CCNA2: variants seen among roughly 807,000 people sequenced by gnomAD.
CCNA2 encodes cyclin-A2.
Under a neutral mutation model 49.4 loss-of-function variants are expected in CCNA2, and 3 were observed. The observed-to-expected ratio is 0.06, with a 90% CI of 0.03 to 0.16. CCNA2 has a LOEUF of 0.16. CCNA2 is among the 10% of genes least tolerant of loss of function. CCNA2 has a pLI of 1.00. For synonymous variants in CCNA2, 206 were observed against 197.2 expected (o/e 1.04, Z -0.37); for missense variants, 372 against 519.7 (o/e 0.72, Z 2.76).
chr4:121,820,502 A>T lies in CCNA2; in HGVS notation c.794+40T>A. On this transcript the variant is annotated intron_variant, in intron 4 of 7. Transcript: ENST00000274026. The surrounding 1 kb of genome is among the most constrained non-coding windows in gnomAD (Gnocchi z 4.1). ...AAAAATCAATTTCTTCCCTAGACAA[A>T]AGGTCGTGATCACTTTTAAACAAAC... is the stretch of plus-strand genomic sequence containing the variant. 1 of 1,425,142 alleles carries T rather than the reference A, an allele frequency of 7.0e-7. No individual in the cohort carries two copies. Among genetic ancestry groups the T allele is most frequent in the Non-Finnish European group, 9.7e-7 (1 of 1,028,282 alleles). 88.3% of individuals were successfully genotyped at this position (1,425,142 alleles called of 1,614,324 possible).
Position 121,820,497 on chromosome 4 carries a change from G to T in CCNA2, c.794+45C>A. 1.4e-6 allele frequency: 2 copies of T among 1,395,822 alleles called. No individual in the cohort carries two copies. The highest frequency in any genetic ancestry group is 2.0e-6 in the Non-Finnish European group (2 of 1,003,690). 86.5% of individuals were successfully genotyped at this position (1,395,822 alleles called of 1,614,324 possible). On this transcript the variant is annotated intron_variant, in intron 4 of 7. Coordinates refer to ENST00000274026, the MANE Select transcript of CCNA2 (RefSeq NM_001237.5). The surrounding 1 kb of genome is among the most constrained non-coding windows in gnomAD (Gnocchi z 4.1). ...ATTAAAAAAATCAATTTCTTCCCTAGACAAAAGGTCGTGATCACTTTTAAA... is the reference window on the plus strand; with the variant it reads ...ATTAAAAAAATCAATTTCTTCCCTATACAAAAGGTCGTGATCACTTTTAAA...
In CCNA2 at chr4:121,819,566, T is replaced by G. The variant is rs1430008434; in HGVS notation, c.808A>C (p.Ile270Leu). 1.2e-6 allele frequency: 2 copies of G among 1,612,610 alleles called. No homozygotes were observed. Among genetic ancestry groups the G allele is most frequent in the East Asian group, 2.2e-5 (1 of 44,866 alleles). ...AACTCTGCTACTTCTGGGGGGTATA[T>G]TTCTTCAAACTTTCTACAATGAAAA... ...AMLLASKFEE[I>L]YPPEVAEFVY... The change falls in exon 5 of 8, where the codon ATA becomes CTA. Residue 270 changes from isoleucine to leucine, a missense_variant. Physicochemically the swap from Ile to Leu is conservative, Grantham distance 5. Transcript: ENST00000274026.
In CCNA2 at chr4:121,816,878, A is replaced by AT. The variant is rs1488785635; in HGVS notation, c.*759dup. ...TTAAAGCTAACAGTTGTATATCTGT[A>AT]TATATAACTATTAAAAGGGATATTT... On this transcript the variant is annotated 3_prime_UTR_variant, in exon 8 of 8. Transcript: ENST00000274026. The AT allele has an allele frequency of 3.3e-6, 5 of 1,517,654 alleles. No individual in the cohort carries two copies. Among genetic ancestry groups the AT allele is most frequent in the Non-Finnish European group, 4.4e-6 (5 of 1,127,694 alleles). The allele number at this position is 1,517,654 out of a possible 1,614,324, so 94.0% of individuals were successfully genotyped here. A position where few individuals can be genotyped will look rare whatever the true frequency, so the allele number is the denominator to read the frequency against.
intron 6 of CCNA2, 45 bp from the exon 7 acceptor site, chr4:121,818,222 A>G (rs1409319451): frequency 6.5e-7 from 1 of 1,529,992 alleles, no homozygotes; most frequent in Non-Finnish European, 8.9e-7. Context: ...GCTTTTAGTA[A>G]CACACCAAAC....
intron 5 of CCNA2, 81 bp from the exon 6 acceptor site, chr4:121,818,994 C>A: frequency 1.1e-6 from 1 of 884,306 alleles, no homozygotes; most frequent in Non-Finnish European, 1.9e-6. Flanking sequence ...TAATTTTTTC[C>A]TGCCTTTGAT....
chr4:121,822,696 T>C (rs766625234), intron 1 of CCNA2, 50 bp from the exon 2 acceptor site: 2 of 1,585,002 alleles, frequency 1.3e-6, no homozygotes, highest in Non-Finnish European at 1.7e-6. Flanking sequence ...TTGCATTCTT[T>C]CTCTTATGGG....
chr4:121,821,845 A>T lies in CCNA2; in HGVS notation c.457+558T>A, dbSNP rs1487806447. Among the ~76,000 whole-genome samples, 4 of 152,328 alleles carry T rather than the reference A, an allele frequency of 2.6e-5. 1 individual carries two copies. The East Asian group carries it at 7.7e-4, about 29-fold the overall frequency. On this transcript the variant is annotated intron_variant, in intron 2 of 7. Coordinates refer to ENST00000274026, the MANE Select transcript of CCNA2 (RefSeq NM_001237.5). The stretch of plus-strand genomic sequence containing the variant: ...GTGACTCAATATCCCTAGGGCAAAG[A>T]AATAGTACAAACTGCAAAGAGCTGT...
chr4:121,817,548 A>G lies in CCNA2; in HGVS notation c.*90T>C. The G allele has an allele frequency of 6.6e-7, 1 of 1,507,116 alleles. No individual in the cohort carries two copies. Among genetic ancestry groups the G allele is most frequent in the Non-Finnish European group, 9.1e-7 (1 of 1,100,388 alleles). The allele number at this position is 1,507,116 out of a possible 1,614,324, so 93.4% of individuals were successfully genotyped here. On this transcript the variant is annotated 3_prime_UTR_variant, in exon 8 of 8. Coordinates refer to ENST00000274026, the MANE Select transcript of CCNA2 (RefSeq NM_001237.5). ...TTGGCCACAACTTCTGTATTCAGAA[A>G]TGATTGTAAAATTAAAACCTAAGTT...
In CCNA2 at chr4:121,816,926, T is replaced by C; in HGVS notation, c.*712A>G. On this transcript the variant is annotated 3_prime_UTR_variant, in exon 8 of 8. Transcript: ENST00000274026. The stretch of plus-strand genomic sequence containing the variant: ...TTTATTCCATTCTGAGAACCCTGGG[T>C]ATTTTTTATTCACAAATCCATTATA... 1.5e-6 allele frequency: 2 copies of C among 1,328,570 alleles called. No homozygotes were observed. The highest frequency in any genetic ancestry group is 2.0e-6 in the Non-Finnish European group (2 of 1,002,420). 82.3% of individuals were successfully genotyped at this position (1,328,570 alleles called of 1,614,324 possible). A position where few individuals can be genotyped will look rare whatever the true frequency, so the allele number is the denominator to read the frequency against.
intron 5 of CCNA2, 22 bp from the exon 6 acceptor site, chr4:121,818,935 G>A (rs1724619448): frequency 7.0e-7 from 1 of 1,429,992 alleles, no homozygotes; most frequent in Non-Finnish European, 9.9e-7. Flanking sequence ...AATACTTTAT[G>A]ATCACAAGAG....
chr4:121,816,894 A>T lies in CCNA2; in HGVS notation c.*744T>A. The T allele has an allele frequency of 6.8e-7, 1 of 1,476,782 alleles. No individual in the cohort carries two copies. The highest frequency in any genetic ancestry group is 9.1e-7 in the Non-Finnish European group (1 of 1,103,514). The allele number at this position is 1,476,782 out of a possible 1,614,324, so 91.5% of individuals were successfully genotyped here. A position where few individuals can be genotyped will look rare whatever the true frequency, so the allele number is the denominator to read the frequency against. On this transcript the variant is annotated 3_prime_UTR_variant, in exon 8 of 8. Coordinates refer to ENST00000274026, the MANE Select transcript of CCNA2 (RefSeq NM_001237.5). ...TATATCTGTATATATAACTATTAAAAGGGATATTTATTCCATTCTGAGAAC... is the reference window on the plus strand; with the variant it reads ...TATATCTGTATATATAACTATTAAATGGGATATTTATTCCATTCTGAGAAC...
intron 7 of CCNA2, 52 bp from the exon 8 acceptor site, chr4:121,817,738 G>T (rs765097633): frequency 6.2e-7 from 1 of 1,606,530 alleles, no homozygotes; most frequent in South Asian, 1.1e-5. Context: ...CTGGGTAAAG[G>T]AGATCATGGA....
At chr4:121,819,057 A>G (rs979249521) in intron 5 of CCNA2, 144 bp from the exon 6 acceptor site, 2 of 625,472 alleles carry the variant, frequency 3.2e-6, no homozygotes, top group Non-Finnish European at 5.7e-6. Context: ...ATCTTTAAAC[A>G]TATCAATCAT....
chr4:121,817,699 A>T lies in CCNA2; in HGVS notation c.1251-13T>A. ...AACACCATGATACCTGTAAGTAGGG[A>T]AAAAAAAAGCATTTTTAGTAAACAC... On this transcript the variant is annotated splice_polypyrimidine_tract_variant and intron_variant, in intron 7 of 7. Transcript: ENST00000274026. 3.1e-6 allele frequency: 5 copies of T among 1,596,922 alleles called. No homozygotes were observed. The highest frequency in any genetic ancestry group is 4.3e-6 in the Non-Finnish European group (5 of 1,171,600).
In CCNA2 at chr4:121,818,029, CA is replaced by C. The variant is rs778353739; in HGVS notation, c.1250+14del. On this transcript the variant is annotated intron_variant, in intron 7 of 7. Coordinates refer to ENST00000274026, the MANE Select transcript of CCNA2 (RefSeq NM_001237.5). ...ATCTAGAAAAGTAAGCTTCAATATC[CA>C]AGTTAATTCTTACTTTGAATTTTTG... 1 of 1,605,256 alleles carries C rather than the reference CA, an allele frequency of 6.2e-7. No homozygotes were observed. Among genetic ancestry groups the C allele is most frequent in the South Asian group, 1.1e-5 (1 of 89,660 alleles).
chr4:121,823,773 C>T lies in CCNA2; in HGVS notation c.-145G>A. ...AGGCCAGCCTACCAGCCCGCCCGCT[C>T]GCTCACCCAGCTCGAGACCACGCAG... On this transcript the variant is annotated 5_prime_UTR_variant, in exon 1 of 8. Coordinates refer to ENST00000274026, the MANE Select transcript of CCNA2 (RefSeq NM_001237.5). 1 of 1,409,080 alleles carries T rather than the reference C, an allele frequency of 7.1e-7. No individual in the cohort carries two copies. The allele number at this position is 1,409,080 out of a possible 1,614,324, so 87.3% of individuals were successfully genotyped here. A position where few individuals can be genotyped will look rare whatever the true frequency, so the allele number is the denominator to read the frequency against.
Position 121,816,955 on chromosome 4 carries a change from T to C in CCNA2, c.*683A>G. 8.5e-7 allele frequency: 1 copy of C among 1,169,632 alleles called. No homozygotes were observed. The highest frequency in any genetic ancestry group is 1.1e-6 in the Non-Finnish European group (1 of 869,868). The allele number at this position is 1,169,632 out of a possible 1,614,324, so 72.5% of individuals were successfully genotyped here. A position where few individuals can be genotyped will look rare whatever the true frequency, so the allele number is the denominator to read the frequency against. ...TTTTATTCACAAATCCATTATAAAA[T>C]CTAGCAGGATTTTAAAAATAGTTTT... On this transcript the variant is annotated 3_prime_UTR_variant, in exon 8 of 8. Transcript: ENST00000274026.
intron 1 of CCNA2, among the ~76,000 whole-genome samples, chr4:121,823,213 TAC>T (rs1455547791): frequency 1.3e-5 from 2 of 152,092 alleles, no homozygotes; most frequent in East Asian, 1.9e-4. Context: ...ACCGGCAGCA[TAC>T]ACACAGTGTT....
chr4:121,819,655 TAGC>T, intron 4 of CCNA2, 76 bp from the exon 5 acceptor site: 2 of 949,186 alleles, frequency 2.1e-6, no homozygotes, highest in Non-Finnish European at 3.3e-6. Flanking sequence ...GAAATCCCAT[TAGC>T]AGAATATGGA....
Sources: allele counts gnomAD v4.1 joint callset (sites outside exome capture counted in the v4.1 genomes callset), GRCh38; gene constraint gnomAD v4.1.1; non-coding constraint Gnocchi (gnomAD v3.1); transcripts MANE v1.5; gene names NCBI Gene and HGNC (gene_info 2026-07-23, HGNC 2026-07-21).